Variants in PLCB1 observed in about 807,000 individuals in gnomAD.
The protein encoded by PLCB1 is phospholipase C beta 1.
In PLCB1, 46 loss-of-function variants were observed where a neutral mutation model predicts 161.8. The ratio of observed to expected loss-of-function variants is 0.28; its 90% confidence interval spans 0.22 to 0.36. The LOEUF (loss-of-function observed/expected upper bound fraction) is 0.36. Among genes scored for constraint, PLCB1 ranks in the 10% least tolerant of loss-of-function variants. PLCB1 has a pLI of 1.00. For synonymous variants in PLCB1, 517 were observed against 503.7 expected (o/e 1.03, Z -0.35); for missense variants, 1,016 against 1,472.5 (o/e 0.69, Z 5.07).
intron 3 of PLCB1, among the ~76,000 whole-genome samples, chr20:8,466,053 A>G (rs1232722): frequency 7.6e-5 from 11 of 144,756 alleles, no homozygotes; most frequent in Middle Eastern, 6.8e-3. Context: ...TATTCACAAT[A>G]GCAAAGACTT....
chr20:8,759,355 G>GATAT (rs1779233137), intron 24 of PLCB1, among the ~76,000 whole-genome samples: 1 of 152,110 alleles, frequency 6.6e-6, no homozygotes, highest in Admixed American at 6.6e-5. Flanking sequence ...TCCCCTCTTA[G>GATAT]ATATATTGGG....
At chr20:8,527,736 G>A (rs1432326213) in intron 3 of PLCB1, among the ~76,000 whole-genome samples, 5 of 152,018 alleles carry the variant, frequency 3.3e-5, no homozygotes. Flanking sequence ...TCATCAAGCT[G>A]TAAACTTAAG....
At chr20:8,537,477 T>C (rs1310330804) in intron 3 of PLCB1, among the ~76,000 whole-genome samples, 2 of 152,094 alleles carry the variant, frequency 1.3e-5, no homozygotes, top group Admixed American at 6.5e-5. Flanking sequence ...GAGACTGCCT[T>C]TCCCTGGTGC....
intron 2 of PLCB1, among the ~76,000 whole-genome samples, chr20:8,165,442 ACT>A (rs1013726033): frequency 6.6e-6 from 1 of 151,822 alleles, no homozygotes; most frequent in Non-Finnish European, 1.5e-5. Flanking sequence ...ACCCTGGAAG[ACT>A]CTCTCTAACC....
Position 8,431,792 on chromosome 20 carries a change from A to G in PLCB1, c.246+60342A>G, listed in dbSNP as rs576290043. Among the ~76,000 whole-genome samples the G allele has an allele frequency of 4.6e-5, 7 of 152,304 alleles. No homozygotes were observed. The East Asian group carries it at 9.6e-4, about 21-fold the overall frequency. ...TATGTGAGAATCTTATAAAGATCAAAATATTAGCTAAAATTTAAAATTTGA... is the reference window on the plus strand; with the variant it reads ...TATGTGAGAATCTTATAAAGATCAAGATATTAGCTAAAATTTAAAATTTGA... On this transcript the variant is annotated intron_variant, in intron 3 of 31. Coordinates refer to ENST00000338037, the MANE Select transcript of PLCB1 (RefSeq NM_015192.4).
chr20:8,258,261 A>G (rs1314678283), intron 2 of PLCB1, among the ~76,000 whole-genome samples: 1 of 152,334 alleles, frequency 6.6e-6, no homozygotes, highest in Non-Finnish European at 1.5e-5. Context: ...TGTACCAACC[A>G]TAATATTGAC....
chr20:8,134,608 G>A (rs1398226792), intron 1 of PLCB1, among the ~76,000 whole-genome samples: 2 of 152,054 alleles, frequency 1.3e-5, no homozygotes, highest in African/African-American at 2.4e-5. Context: ...TTCTGGGGTG[G>A]TGAAAAAAGT....
At chr20:8,848,577 A>G (rs1227708571) in intron 31 of PLCB1, among the ~76,000 whole-genome samples, 2 of 152,222 alleles carry the variant, frequency 1.3e-5, no homozygotes, top group Non-Finnish European at 1.5e-5. Context: ...AAGACTAAAT[A>G]TATTTCTTAT....
At chr20:8,693,452 T>C (rs949323286) in intron 10 of PLCB1, among the ~76,000 whole-genome samples, 5 of 152,152 alleles carry the variant, frequency 3.3e-5, no homozygotes, top group African/African-American at 1.2e-4. Flanking sequence ...AGACAAATAA[T>C]ACATTCTCTG....
chr20:8,715,042 G>A (rs2207306), intron 12 of PLCB1, among the ~76,000 whole-genome samples: 123,707 of 152,068 alleles, frequency 0.81, 50,437 homozygotes, highest in East Asian at 0.99. Context: ...TTGAATTTTC[G>A]TCAAGAAGGA....
At chr20:8,422,372 C>T (rs906711168) in intron 3 of PLCB1, among the ~76,000 whole-genome samples, 1 of 152,214 alleles carries the variant, frequency 6.6e-6, no homozygotes, top group African/African-American at 2.4e-5. Flanking sequence ...CAAAATGCTA[C>T]TCATTATGCA....
At chr20:8,237,769 T>A (rs950535471) in intron 2 of PLCB1, among the ~76,000 whole-genome samples, 9 of 152,082 alleles carry the variant, frequency 5.9e-5, no homozygotes, top group Non-Finnish European at 1.2e-4. Flanking sequence ...GCACCAACCA[T>A]GGGATTAATT....
At chr20:8,442,974 G>GTT (rs772350951) in intron 3 of PLCB1, among the ~76,000 whole-genome samples, 28 of 139,560 alleles carry the variant, frequency 2.0e-4, no homozygotes, top group African/African-American at 3.7e-4. Flanking sequence ...TGAGTTTCTT[G>GTT]TTTTTTTTTT....
At chr20:8,607,534 T>C (rs1193026935) in intron 3 of PLCB1, among the ~76,000 whole-genome samples, 1 of 152,170 alleles carries the variant, frequency 6.6e-6, no homozygotes, top group African/African-American at 2.4e-5. Context: ...GCCAATCCGT[T>C]CCCACCCCAA....
chr20:8,673,814 C>A (rs891901778), intron 9 of PLCB1, among the ~76,000 whole-genome samples: 1 of 152,104 alleles, frequency 6.6e-6, no homozygotes, highest in South Asian at 2.1e-4. Context: ...ATTTGTTGAG[C>A]ATTTACAAGC....
intron 31 of PLCB1, among the ~76,000 whole-genome samples, chr20:8,861,518 T>A (rs951244891): frequency 6.6e-6 from 1 of 152,018 alleles, no homozygotes; most frequent in African/African-American, 2.4e-5. Flanking sequence ...GATCACGAGG[T>A]CAAGAGATTG....
At chr20:8,635,404 A>C (rs1363179584) in intron 4 of PLCB1, among the ~76,000 whole-genome samples, 1 of 152,194 alleles carries the variant, frequency 6.6e-6, no homozygotes, top group Non-Finnish European at 1.5e-5. Flanking sequence ...CATGTGCTGC[A>C]ATCTTTTCAT....
chr20:8,558,785 A>G (rs556477885), intron 3 of PLCB1, among the ~76,000 whole-genome samples: 58 of 152,124 alleles, frequency 3.8e-4, no homozygotes, highest in Non-Finnish European at 4.7e-4. Context: ...TGGTATATTT[A>G]AAATGCCAAA....
intron 31 of PLCB1, among the ~76,000 whole-genome samples, chr20:8,818,093 A>G (rs6039283): frequency 0.026 from 4,032 of 152,300 alleles, 171 homozygotes; most frequent in African/African-American, 0.092. Context: ...GTGAGAGCAA[A>G]TAGGTACAGG....
Sources: allele counts gnomAD v4.1 joint callset (sites outside exome capture counted in the v4.1 genomes callset), GRCh38; gene constraint gnomAD v4.1.1; transcripts MANE v1.5; gene names NCBI Gene and HGNC (gene_info 2026-07-23, HGNC 2026-07-21).